MYPN: variants seen among roughly 807,000 people sequenced by gnomAD.
MYPN encodes myopalladin.
In MYPN, 63 loss-of-function variants were observed where a neutral mutation model predicts 129.4. That is an observed-to-expected ratio of 0.49 (90% CI 0.40 to 0.60). The LOEUF (loss-of-function observed/expected upper bound fraction) is 0.60. Among genes scored for constraint, MYPN ranks in the 20% least tolerant of loss-of-function variants. MYPN has a pLI of 0.00. For synonymous variants in MYPN, 629 were observed against 600.9 expected (o/e 1.05, Z -0.68); for missense variants, 1,596 against 1,635.4 (o/e 0.98, Z 0.42).
At chr10:68,179,864 C>G (rs1026706450) in intron 12 of MYPN, among the ~76,000 whole-genome samples, 56 of 152,028 alleles carry the variant, frequency 3.7e-4, no homozygotes, top group African/African-American at 1.3e-3. Flanking sequence ...GAGGTTTCGC[C>G]AAGATGAAAT....
chr10:68,107,597 T>A (rs967208514), upstream of MYPN, among the ~76,000 whole-genome samples: 2 of 151,916 alleles, frequency 1.3e-5, no homozygotes, highest in Non-Finnish European at 2.9e-5. Flanking sequence ...GCGATCCGCC[T>A]GCCTCAACCT....
intron 2 of MYPN, among the ~76,000 whole-genome samples, chr10:68,134,843 G>T (rs2042462137): frequency 6.6e-6 from 1 of 151,998 alleles, no homozygotes; most frequent in East Asian, 1.9e-4. Flanking sequence ...AGGATATGTG[G>T]TAAGGGGTGG....
intron 16 of MYPN, 96 bp downstream of exon 16, chr10:68,197,574 T>TG: frequency 6.5e-7 from 1 of 1,545,716 alleles, no homozygotes; most frequent in Non-Finnish European, 8.8e-7. Context: ...GGTTTTTTTT[T>TG]TCAGGAAAGA....
chr10:68,177,720 G>A (rs147672408), intron 12 of MYPN, among the ~76,000 whole-genome samples: 230 of 152,266 alleles, frequency 1.5e-3, no homozygotes, highest in African/African-American at 5.0e-3. Flanking sequence ...ATTGATAGTC[G>A]TCTAGGCCTG....
intron 10 of MYPN, among the ~76,000 whole-genome samples, chr10:68,171,146 C>CAAAA (rs10656004): frequency 0.012 from 1,530 of 132,778 alleles, 34 homozygotes; most frequent in East Asian, 0.049. Flanking sequence ...AAGACTCTGT[C>CAAAA]AAAAAAAAAA....
At chr10:68,192,714 G>GC (rs1554849699) in intron 13 of MYPN, among the ~76,000 whole-genome samples, 1 of 83,192 alleles carries the variant, frequency 1.2e-5, no homozygotes, top group Non-Finnish European at 2.6e-5. Context: ...TGGTCTGCTA[G>GC]TTTTCTATTT....
At chr10:68,179,443 T>G (rs2043280336) in intron 12 of MYPN, among the ~76,000 whole-genome samples, 1 of 152,082 alleles carries the variant, frequency 6.6e-6, no homozygotes, top group South Asian at 2.1e-4. Context: ...TGGTGCAGAG[T>G]AGGTGCTCAG....
At chr10:68,171,155 A>AAAAAAG (rs1039564539) in intron 10 of MYPN, among the ~76,000 whole-genome samples, 1 of 151,514 alleles carries the variant, frequency 6.6e-6, no homozygotes, top group Admixed American at 6.6e-5. Context: ...TCAAAAAAAA[A>AAAAAAG]AAAGAAAGAA....
chr10:68,107,498 G>A (rs940405935), upstream of MYPN, among the ~76,000 whole-genome samples: 3 of 143,420 alleles, frequency 2.1e-5, no homozygotes, highest in African/African-American at 8.2e-5. Context: ...GCACCTCTAC[G>A]CCCTGCTAAT....
At chr10:68,206,382 C>T (rs1289594256) in intron 18 of MYPN, among the ~76,000 whole-genome samples, 2 of 152,210 alleles carry the variant, frequency 1.3e-5, no homozygotes, top group Non-Finnish European at 2.9e-5. Context: ...TCTATGCTGC[C>T]AGTTCATCCA....
intron 2 of MYPN, among the ~76,000 whole-genome samples, chr10:68,141,631 G>A (rs557168402): frequency 1.0e-3 from 158 of 152,022 alleles, no homozygotes; most frequent in Non-Finnish European, 2.0e-3. Flanking sequence ...GTTTCCCTTC[G>A]CCCCTAATAG....
chr10:68,140,842 G>A (rs2042564954), intron 2 of MYPN, among the ~76,000 whole-genome samples: 1 of 152,204 alleles, frequency 6.6e-6, no homozygotes, highest in Middle Eastern at 3.2e-3. Flanking sequence ...GAAGGCCAAG[G>A]CGGATGAATC....
At position 68,151,876 on chromosome 10, in the gene MYPN, A is replaced by G. The variant is rs10997949; in HGVS notation, c.1317+1765A>G. On this transcript the variant is annotated intron_variant, in intron 6 of 19. Transcript: ENST00000358913. ...TCCAACTCTGTAAAATAGTTGGAAG[A>G]GATTTATTCTCAGCCAAATATGAGT... 4.3e-3 allele frequency among the ~76,000 whole-genome samples: 661 copies of G among 152,342 alleles called. 7 individuals are homozygous for G. The highest frequency in any genetic ancestry group is 0.015 in the African/African-American group (632 of 41,576).
intron 1 of MYPN, among the ~76,000 whole-genome samples, chr10:68,116,290 T>C (rs1430879585): frequency 2.3e-5 from 3 of 133,072 alleles, no homozygotes; most frequent in Non-Finnish European, 3.2e-5. Context: ...CTTAAAAAAA[T>C]AATTTTCATA....
At chr10:68,180,551 A>G (rs1348252155) in intron 12 of MYPN, among the ~76,000 whole-genome samples, 2 of 152,228 alleles carry the variant, frequency 1.3e-5, no homozygotes, top group Non-Finnish European at 2.9e-5. Flanking sequence ...TGGAAAGAAA[A>G]GGAGAACACT....
At chr10:68,115,712 G>T (rs1469537752) in intron 1 of MYPN, among the ~76,000 whole-genome samples, 9 of 152,156 alleles carry the variant, frequency 5.9e-5, no homozygotes, top group African/African-American at 2.2e-4. Flanking sequence ...CCCTTCACAC[G>T]TTTAATAAAA....
chr10:68,104,179 C>T (rs1020824496), upstream of MYPN, among the ~76,000 whole-genome samples: 1 of 152,120 alleles, frequency 6.6e-6, no homozygotes, highest in African/African-American at 2.4e-5. Flanking sequence ...TTTCCTTTCC[C>T]GCACATCATT....
At chr10:68,159,260 T>G (rs1256475670) in intron 7 of MYPN, among the ~76,000 whole-genome samples, 1 of 152,196 alleles carries the variant, frequency 6.6e-6, no homozygotes, top group Admixed American at 6.5e-5. Context: ...AAACTAGGTC[T>G]GCCCCAGTTG....
At chr10:68,190,309 C>G (rs1176418652) in intron 13 of MYPN, among the ~76,000 whole-genome samples, 1 of 152,098 alleles carries the variant, frequency 6.6e-6, no homozygotes, top group Non-Finnish European at 1.5e-5. Context: ...GCCTCAGCCT[C>G]CTGAGTAACT....
Sources: allele counts gnomAD v4.1 joint callset (sites outside exome capture counted in the v4.1 genomes callset), GRCh38; gene constraint gnomAD v4.1.1; transcripts MANE v1.5; gene names NCBI Gene and HGNC (gene_info 2026-07-23, HGNC 2026-07-21).